The following KCTD16 variants were observed in gnomAD, a reference collection of about 807,000 sequenced individuals.
KCTD16 encodes potassium channel tetramerization domain containing 16, also known as BTB/POZ domain-containing protein KCTD16.
In KCTD16, 13 loss-of-function variants were observed where a neutral mutation model predicts 33.2. The observed-to-expected ratio is 0.39, with a 90% CI of 0.25 to 0.62. KCTD16 has a LOEUF of 0.62. Among genes scored for constraint, KCTD16 ranks in the 20% least tolerant of loss-of-function variants. KCTD16 has a pLI of 0.50. For synonymous variants in KCTD16, 197 were observed against 195.3 expected (o/e 1.01, Z -0.07); for missense variants, 441 against 525.1 (o/e 0.84, Z 1.57).
At chr5:144,421,724 C>T (rs1753215336) in intron 3 of KCTD16, among the ~76,000 whole-genome samples, 1 of 152,066 alleles carries the variant, frequency 6.6e-6, no homozygotes, top group Non-Finnish European at 1.5e-5. Context: ...GACTTGCTTA[C>T]CTAGCATGGA....
chr5:144,338,916 GA>G (rs1752559250), intron 3 of KCTD16, among the ~76,000 whole-genome samples: 1 of 152,202 alleles, frequency 6.6e-6, no homozygotes, highest in Non-Finnish European at 1.5e-5. Context: ...GGAAAGCACA[GA>G]AAAATTTGCT....
chr5:144,266,986 T>G (rs1755163667), intron 3 of KCTD16, among the ~76,000 whole-genome samples: 1 of 152,240 alleles, frequency 6.6e-6, no homozygotes, highest in African/African-American at 2.4e-5. Context: ...TTTTGCTAAC[T>G]AATTCACTGG....
intron 3 of KCTD16, among the ~76,000 whole-genome samples, chr5:144,246,335 T>C (rs187707955): frequency 1.3e-3 from 193 of 152,286 alleles, no homozygotes; most frequent in African/African-American, 4.4e-3. Context: ...GTCCATTTGC[T>C]CAATAAATGG....
chr5:144,316,165 C>A (rs1446026733), intron 3 of KCTD16, among the ~76,000 whole-genome samples: 1 of 152,236 alleles, frequency 6.6e-6, no homozygotes, highest in East Asian at 1.9e-4. Context: ...GGGTCAAAAT[C>A]CACAGACTCC....
At chr5:144,174,583 G>A (rs904900145) in intron 2 of KCTD16, 111 bp downstream of exon 2, 3 of 152,110 alleles carry the variant, frequency 2.0e-5, no homozygotes, top group African/African-American at 7.2e-5. Context: ...CTACCAAAGA[G>A]TTTCCTCATC....
chr5:144,381,489 T>C lies in KCTD16; in HGVS notation c.833-92171T>C, dbSNP rs146379213. ...CTCTGCAGGCTTGGAAGCATAGGGC[T>C]GGCATCTGCTTGGCTTCTAGGGAGG... On this transcript the variant is annotated intron_variant, in intron 3 of 3. Transcript: ENST00000512467. Among the ~76,000 whole-genome samples, 28 of 152,298 alleles carry C rather than the reference T, an allele frequency of 1.8e-4. No individual in the cohort carries two copies. In the East Asian group the frequency reaches 4.4e-3, roughly 24 times the overall value.
At chr5:144,398,839 G>A (rs1752638427) in intron 3 of KCTD16, among the ~76,000 whole-genome samples, 1 of 151,764 alleles carries the variant, frequency 6.6e-6, no homozygotes, top group Non-Finnish European at 1.5e-5. Flanking sequence ...ATTTAGAAAA[G>A]TTTTGCAATG....
At chr5:144,469,610 G>A (rs1754424563) in intron 3 of KCTD16, among the ~76,000 whole-genome samples, 1 of 152,096 alleles carries the variant, frequency 6.6e-6, no homozygotes. Context: ...TTTCTTCAAA[G>A]CCCTGTGAAG....
chr5:144,333,123 AT>A (rs1172782707), intron 3 of KCTD16, among the ~76,000 whole-genome samples: 2 of 152,160 alleles, frequency 1.3e-5, no homozygotes, highest in African/African-American at 4.8e-5. Context: ...TCATCTTACT[AT>A]TTTAAAACCC....
At chr5:144,289,516 A>G (rs1374084668) in intron 3 of KCTD16, among the ~76,000 whole-genome samples, 1 of 152,138 alleles carries the variant, frequency 6.6e-6, no homozygotes, top group Non-Finnish European at 1.5e-5. Context: ...ACTGCCACAC[A>G]CATTCCTTCT....
At position 144,229,391 on chromosome 5, in the gene KCTD16, G is replaced by A. The variant is rs191425879; in HGVS notation, c.832+21845G>A. 3.3e-3 allele frequency among the ~76,000 whole-genome samples: 507 copies of A among 152,194 alleles called. 5 individuals carry two copies. Among genetic ancestry groups the A allele is most frequent in the African/African-American group, 0.012 (487 of 41,544 alleles). On this transcript the variant is annotated intron_variant, in intron 3 of 3. Transcript: ENST00000512467. ...AGATGGAAATGTAGGAGAAGATAGT[G>A]TTGTTTGAAGTTGAGCTTATGGAGG... is the stretch of plus-strand genomic sequence containing the variant.
At chr5:144,311,796 T>C (rs1223924656) in intron 3 of KCTD16, among the ~76,000 whole-genome samples, 2 of 152,170 alleles carry the variant, frequency 1.3e-5, no homozygotes, top group Admixed American at 6.5e-5. Flanking sequence ...TTACAGACTT[T>C]TAAACACTCT....
Position 144,249,730 on chromosome 5 carries a change from G to A in KCTD16, c.832+42184G>A, listed in dbSNP as rs367798772. Among the ~76,000 whole-genome samples, 4 of 152,204 alleles carry A rather than the reference G, an allele frequency of 2.6e-5. No individual in the cohort carries two copies. In the East Asian group the frequency reaches 5.8e-4, roughly 22 times the overall value. On this transcript the variant is annotated intron_variant, in intron 3 of 3. Transcript: ENST00000512467. ...TTAACAATACAAGATCAATAGGTCA[G>A]GCTATCCGTATTTTATATATGAAAA...
Position 144,224,413 on chromosome 5 carries a change from G to A in KCTD16, c.832+16867G>A, listed in dbSNP as rs531805725. Among the ~76,000 whole-genome samples the A allele has an allele frequency of 7.4e-5, 8 of 108,230 alleles. No homozygotes were observed. In the South Asian group the frequency reaches 2.6e-3, roughly 35 times the overall value. 71.0% of individuals were successfully genotyped at this position (108,230 alleles called of 152,430 possible). On this transcript the variant is annotated intron_variant, in intron 3 of 3. Transcript: ENST00000512467. ...TTTTTTTTTTTTTTTTTCCTCCAAA[G>A]GGCTCAGAAACTGTGGTAAAATATC...
intron 3 of KCTD16, among the ~76,000 whole-genome samples, chr5:144,213,244 TA>T (rs1156265906): frequency 3.3e-5 from 5 of 152,082 alleles, no homozygotes; most frequent in African/African-American, 1.2e-4. Context: ...TCTCATCATT[TA>T]AAAAATATTG....
chr5:144,399,941 C>A (rs947290228), intron 3 of KCTD16, among the ~76,000 whole-genome samples: 1 of 152,076 alleles, frequency 6.6e-6, no homozygotes, highest in Non-Finnish European at 1.5e-5. Flanking sequence ...TCAATTGTTT[C>A]AGAATTTTCT....
At position 144,208,081 on chromosome 5, in the gene KCTD16, C is replaced by T. The variant is rs528405966; in HGVS notation, c.832+535C>T. Among the ~76,000 whole-genome samples, 3 of 152,282 alleles carry T rather than the reference C, an allele frequency of 2.0e-5. No homozygotes were observed. The South Asian group carries it at 6.2e-4, about 32-fold the overall frequency. On this transcript the variant is annotated intron_variant, in intron 3 of 3. Transcript: ENST00000512467. ...ACTGCTGAAAGGCCCCCTGCTCCCC[C>T]CAAGTCTAAATTTTGCTTTTAAGGG...
intron 3 of KCTD16, among the ~76,000 whole-genome samples, chr5:144,226,217 T>C (rs1753926523): frequency 6.6e-6 from 1 of 152,178 alleles, no homozygotes; most frequent in Non-Finnish European, 1.5e-5. Flanking sequence ...AGATTTCTCA[T>C]TAGAATGATT....
chr5:144,439,920 C>T (rs1203988791), intron 3 of KCTD16, among the ~76,000 whole-genome samples: 1 of 151,106 alleles, frequency 6.6e-6, no homozygotes, highest in Non-Finnish European at 1.5e-5. Context: ...ATGTTAAAAT[C>T]CTTGATTAAA....
Sources: gnomAD v4.1 joint callset for allele counts (sites outside exome capture counted in the v4.1 genomes callset) on GRCh38, gnomAD v4.1.1 for gene constraint, MANE v1.5 for transcripts, NCBI Gene and HGNC (gene_info 2026-07-23, HGNC 2026-07-21) for gene names.